The following NRG1 variants were observed in gnomAD, a reference collection of about 807,000 sequenced individuals.
NRG1 encodes neuregulin 1, also known as pro-neuregulin-1, membrane-bound isoform.
A neutral mutation model predicts 63.8 loss-of-function variants in NRG1; 18 were observed. That is an observed-to-expected ratio of 0.28 (90% confidence interval 0.19 to 0.42). NRG1 has a LOEUF of 0.42. Among genes scored for constraint, NRG1 ranks in the 10% least tolerant of loss-of-function variants. NRG1 has a pLI of 1.00. For missense variants in NRG1, 762 were observed against 814.7 expected (o/e 0.94, Z 0.79); for synonymous variants, 302 against 301.3 (o/e 1.00, Z -0.02).
At chr8:32,003,775 A>T (rs1813313621) in intron 1 of NRG1, among the ~76,000 whole-genome samples, 1 of 151,910 alleles carries the variant, frequency 6.6e-6, no homozygotes, top group Non-Finnish European at 1.5e-5. Context: ...AAATTTTAGG[A>T]CATAAAAGGC....
chr8:31,788,169 G>A (rs959544046), intron 1 of NRG1, among the ~76,000 whole-genome samples: 2 of 151,780 alleles, frequency 1.3e-5, no homozygotes, highest in African/African-American at 4.8e-5. Flanking sequence ...TATTTTTATA[G>A]TATAAAAATT....
chr8:32,172,355 T>C (rs1840166139), intron 1 of NRG1, among the ~76,000 whole-genome samples: 1 of 151,934 alleles, frequency 6.6e-6, no homozygotes, highest in Admixed American at 6.6e-5. Flanking sequence ...TACATCACCA[T>C]CATCAAAGAC....
At chr8:32,252,131 C>G (rs918881039) in intron 1 of NRG1, among the ~76,000 whole-genome samples, 1 of 152,144 alleles carries the variant, frequency 6.6e-6, no homozygotes, top group African/African-American at 2.4e-5. Flanking sequence ...AAATTTTTCT[C>G]TCATTCTGTA....
At chr8:31,746,076 C>CT (rs897846795) in intron 1 of NRG1, among the ~76,000 whole-genome samples, 230 of 147,176 alleles carry the variant, frequency 1.6e-3, no homozygotes, top group African/African-American at 4.5e-3. Context: ...ATCTTAAAGA[C>CT]TTTTTTTTTT....
chr8:32,479,673 CAG>C (rs1451547896), intron 1 of NRG1, among the ~76,000 whole-genome samples: 3 of 151,986 alleles, frequency 2.0e-5, no homozygotes, highest in South Asian at 4.2e-4. Flanking sequence ...TTTTTTGAGA[CAG>C]AGCCCTGCTC....
intron 1 of NRG1, among the ~76,000 whole-genome samples, chr8:32,125,274 G>GA (rs2131584876): frequency 6.6e-6 from 1 of 152,030 alleles, no homozygotes; most frequent in African/African-American, 2.4e-5. Flanking sequence ...AAGCCAGACA[G>GA]AAAAATTTAC....
At chr8:31,910,195 C>G (rs1456872998) in intron 1 of NRG1, among the ~76,000 whole-genome samples, 1 of 152,176 alleles carries the variant, frequency 6.6e-6, no homozygotes, top group African/African-American at 2.4e-5. Context: ...TTCCAGGCTA[C>G]AAGACCAATC....
chr8:31,976,415 C>T (rs575148193), intron 1 of NRG1, among the ~76,000 whole-genome samples: 248 of 152,180 alleles, frequency 1.6e-3, no homozygotes, highest in African/African-American at 5.6e-3. Context: ...TATGTTCTGA[C>T]AAGAGTTCAG....
At chr8:32,203,754 G>A (rs2132315469) in intron 1 of NRG1, among the ~76,000 whole-genome samples, 1 of 152,202 alleles carries the variant, frequency 6.6e-6, no homozygotes, top group Middle Eastern at 3.4e-3. Context: ...ATGAGCTAAG[G>A]ATATAGCAGG....
At chr8:32,561,855 G>A (rs1836465903) in intron 1 of NRG1, among the ~76,000 whole-genome samples, 1 of 151,864 alleles carries the variant, frequency 6.6e-6, no homozygotes, top group South Asian at 2.1e-4. Context: ...GGTTTTTGGG[G>A]GGTGGGGGGT....
intron 1 of NRG1, among the ~76,000 whole-genome samples, chr8:32,236,795 A>G (rs540242249): frequency 6.6e-6 from 1 of 152,304 alleles, no homozygotes; most frequent in African/African-American, 2.4e-5. Context: ...AACCTGAAGG[A>G]TTACTTTGGC....
intron 11 of NRG1, 170 bp downstream of exon 11, chr8:32,760,576 T>G: frequency 1.8e-5 from 25 of 1,426,764 alleles, no homozygotes; most frequent in South Asian, 1.0e-4. Flanking sequence ...TGACGGAACT[T>G]ATTTCTTCTG....
intron 1 of NRG1, among the ~76,000 whole-genome samples, chr8:31,983,572 G>C (rs1010887250): frequency 6.6e-6 from 1 of 151,868 alleles, no homozygotes; most frequent in African/African-American, 2.4e-5. Context: ...TGCAGAAATG[G>C]GATCTTGCTA....
intron 1 of NRG1, among the ~76,000 whole-genome samples, chr8:31,719,219 A>C (rs1261754137): frequency 6.6e-6 from 1 of 152,184 alleles, no homozygotes; most frequent in Non-Finnish European, 1.5e-5. Flanking sequence ...AGTTTCAGGC[A>C]TACCTTCTTC....
chr8:31,667,328 G>T (rs1292392368), intron 1 of NRG1, among the ~76,000 whole-genome samples: 4 of 152,152 alleles, frequency 2.6e-5, no homozygotes, highest in African/African-American at 9.7e-5. Flanking sequence ...GGAGTTTGTG[G>T]CTCAGATTTG....
intron 3 of NRG1, among the ~76,000 whole-genome samples, chr8:32,611,465 A>G (rs1028101674): frequency 3.3e-5 from 5 of 152,092 alleles, no homozygotes; most frequent in Admixed American, 1.3e-4. Flanking sequence ...GTCTACATGT[A>G]TATTGTATTA....
intron 1 of NRG1, among the ~76,000 whole-genome samples, chr8:32,254,460 T>A (rs573060570): frequency 6.6e-6 from 1 of 152,328 alleles, no homozygotes; most frequent in East Asian, 1.9e-4. Context: ...CAGGAGCAGG[T>A]TGTTCAGGTT....
At chr8:31,853,194 C>T (rs183026303) in intron 1 of NRG1, among the ~76,000 whole-genome samples, 2 of 152,258 alleles carry the variant, frequency 1.3e-5, no homozygotes, top group Admixed American at 1.3e-4. Flanking sequence ...CTGTACATTA[C>T]CTTAGGCAGT....
At chr8:32,616,733 A>G in intron 4 of NRG1, 102 bp from the exon 5 acceptor site, 1 of 826,618 alleles carries the variant, frequency 1.2e-6, no homozygotes, top group Non-Finnish European at 2.1e-6. Context: ...ACGGTGTTCT[A>G]CTACTCTTTT....
Sources: gnomAD v4.1 joint callset for allele counts (sites outside exome capture counted in the v4.1 genomes callset) on GRCh38, gnomAD v4.1.1 for gene constraint, MANE v1.5 for transcripts, NCBI Gene and HGNC (gene_info 2026-07-23, HGNC 2026-07-21) for gene names.